ARHGAP6: variants seen among roughly 807,000 people sequenced by gnomAD.
ARHGAP6 encodes the protein Rho GTPase activating protein 6.
A neutral mutation model predicts 55.7 loss-of-function variants in ARHGAP6; 16 were observed. That is an observed-to-expected ratio of 0.29 (90% CI 0.19 to 0.44). The LOEUF (loss-of-function observed/expected upper bound fraction) is 0.44, where lower values mean the gene tolerates loss of function less well. ARHGAP6 is among the 20% of genes least tolerant of loss of function. ARHGAP6 has a pLI of 1.00. For missense variants in ARHGAP6, 698 were observed against 808.9 expected, an observed-to-expected ratio of 0.86 and a Z score of 1.66; for synonymous variants, 382 against 360.9, an observed-to-expected ratio of 1.06 and a Z score of -0.66.
At chrX:11,297,749 A>C (rs961570916) in intron 1 of ARHGAP6, among the ~76,000 whole-genome samples, 3 of 112,330 alleles carry the variant, frequency 2.7e-5, no homozygotes, top group African/African-American at 9.7e-5. Context: ...TGATCAGTCA[A>C]TCTGTGTTTC....
At position 11,156,636 on chromosome X, in the gene ARHGAP6, C is replaced by G. The variant is rs1195480955; in HGVS notation, c.1810-10G>C. On this transcript the variant is annotated splice_polypyrimidine_tract_variant and intron_variant, in intron 9 of 12. Transcript: ENST00000337414. ...GGAGATCTGGGGGAACCTGAAGGAG[C>G]CAAATGTTGAGGCATAAATAAAACC... 1.7e-6 allele frequency: 2 copies of G among 1,182,400 alleles called. No individual in the cohort carries two copies. Among genetic ancestry groups the G allele is most frequent in the Non-Finnish European group, 2.3e-6 (2 of 872,487 alleles).
At chrX:11,493,455 C>T (rs2050591750) in intron 1 of ARHGAP6, among the ~76,000 whole-genome samples, 1 of 112,003 alleles carries the variant, frequency 8.9e-6, no homozygotes, top group Non-Finnish European at 1.9e-5. Context: ...AGCAATAGGA[C>T]AATGAGATGG....
At chrX:11,422,369 T>C (rs2049832722) in intron 1 of ARHGAP6, among the ~76,000 whole-genome samples, 1 of 111,173 alleles carries the variant, frequency 9.0e-6, no homozygotes, top group African/African-American at 3.3e-5. Flanking sequence ...AGGGCACAGA[T>C]GTGGCCAGGC....
chrX:11,273,570 A>G, intron 1 of ARHGAP6, among the ~76,000 whole-genome samples: 2 of 111,485 alleles, frequency 1.8e-5, no homozygotes, highest in Non-Finnish European at 3.8e-5. Flanking sequence ...ATTTTCACTC[A>G]TGGGCATTAC....
intron 1 of ARHGAP6, among the ~76,000 whole-genome samples, chrX:11,517,075 T>TA (rs1369658690): frequency 8.9e-6 from 1 of 112,018 alleles, no homozygotes; most frequent in Non-Finnish European, 1.9e-5. Flanking sequence ...CCCATAACAA[T>TA]ATGACAAGAG....
intron 1 of ARHGAP6, among the ~76,000 whole-genome samples, chrX:11,435,049 A>G (rs1255687214): frequency 2.7e-5 from 3 of 111,892 alleles, no homozygotes; most frequent in African/African-American, 9.8e-5. Flanking sequence ...GGTGCATTTG[A>G]CAATATCTGG....
rs781141198 is a variant in ARHGAP6 at position 11,169,523 on chromosome X, A to T, written c.1791T>A (p.Asn597Lys). Residue 597 changes from asparagine (N) to lysine (K), a missense_variant, in exon 9 of 13, where the codon AAT becomes AAA. By Grantham distance (94) the Asn-to-Lys change is moderately conservative (BLOSUM62 0). Transcript: ENST00000337414. ...CACCTACCATGAACAGGGCTTCATA[A>T]TTTTCAATCATCTTTTGCACAACAG... ...IIAVVQKMIENYEALFMVPPD... is the reference protein window; with the variant it reads ...IIAVVQKMIEKYEALFMVPPD... 1.7e-6 allele frequency: 2 copies of T among 1,197,829 alleles called. No individual in the cohort carries two copies. The highest frequency in any genetic ancestry group is 4.5e-5 in the Admixed American group (2 of 44,189).
chrX:11,477,306 T>A (rs2050413869), intron 1 of ARHGAP6, among the ~76,000 whole-genome samples: 1 of 111,734 alleles, frequency 8.9e-6, no homozygotes, highest in Non-Finnish European at 1.9e-5. Flanking sequence ...GAGATACCAC[T>A]AAACTTGCTA....
intron 1 of ARHGAP6, among the ~76,000 whole-genome samples, chrX:11,663,745 A>T (rs1416701125): frequency 8.9e-6 from 1 of 111,943 alleles, no homozygotes; most frequent in Non-Finnish European, 1.9e-5. Context: ...AAACTAGAGA[A>T]TTCTTGTCCC....
chrX:11,545,998 T>C (rs1407217050), intron 1 of ARHGAP6, among the ~76,000 whole-genome samples: 2 of 111,062 alleles, frequency 1.8e-5, no homozygotes, highest in East Asian at 5.6e-4. Context: ...TCTGTTTTTA[T>C]TCCTTTTTGA....
intron 2 of ARHGAP6, among the ~76,000 whole-genome samples, chrX:11,210,304 A>T (rs982676240): frequency 1.8e-5 from 2 of 112,738 alleles, no homozygotes; most frequent in Admixed American, 1.9e-4. Context: ...ACAGCCTGTT[A>T]TTCCTGCTGA....
chrX:11,167,498 C>A (rs992137948), intron 9 of ARHGAP6, among the ~76,000 whole-genome samples: 2 of 111,366 alleles, frequency 1.8e-5, no homozygotes, highest in Non-Finnish European at 3.8e-5. Context: ...TTGGGAAAAG[C>A]TGGAAAAGGT....
At chrX:11,279,104 G>C (rs1316472073) in intron 1 of ARHGAP6, among the ~76,000 whole-genome samples, 1 of 111,700 alleles carries the variant, frequency 9.0e-6, no homozygotes, top group Non-Finnish European at 1.9e-5. Context: ...TGCAGCCACA[G>C]TGTGTTTCTT....
intron 8 of ARHGAP6, among the ~76,000 whole-genome samples, chrX:11,176,232 CATATATATATATAT>C (rs746195419): frequency 1.3e-4 from 3 of 23,932 alleles, no homozygotes; most frequent in African/African-American, 1.5e-4. Flanking sequence ...AGAGGATTTG[CATATATATATATAT>C]ATATATATAT....
At position 11,296,836 on chromosome X, in the gene ARHGAP6, C is replaced by G. The variant is rs1180999480; in HGVS notation, c.589-42129G>C. On this transcript the variant is annotated intron_variant, in intron 1 of 12. Coordinates refer to ENST00000337414, the MANE Select transcript of ARHGAP6 (RefSeq NM_013427.3). ...CAACTTCAGCTATGAGGTAATTTTT[C>G]TCTTTACTAATTTTGACCATTGTTT... The G allele has an allele frequency of 2.5e-6, 3 of 1,206,977 alleles. No individual in the cohort carries two copies. In the East Asian group the frequency reaches 8.9e-5, roughly 36 times the overall value.
chrX:11,223,080 C>T (rs775796727), intron 2 of ARHGAP6: 1 of 147,519 alleles, frequency 6.8e-6, no homozygotes, highest in South Asian at 1.3e-4. Context: ...ACCATCATGT[C>T]CCATATTGAT....
chrX:11,176,435 C>T (rs948614280), intron 8 of ARHGAP6, among the ~76,000 whole-genome samples: 1 of 95,853 alleles, frequency 1.0e-5, no homozygotes, highest in Non-Finnish European at 2.1e-5. Context: ...TACACCTGTC[C>T]AAGAATATTT....
At chrX:11,650,508 T>G (rs1427841744) in intron 1 of ARHGAP6, among the ~76,000 whole-genome samples, 4 of 111,319 alleles carry the variant, frequency 3.6e-5, no homozygotes, top group African/African-American at 1.3e-4. Context: ...AAAGGCAAAC[T>G]AGACAATCAA....
chrX:11,365,693 A>C (rs1416614163), intron 1 of ARHGAP6, among the ~76,000 whole-genome samples: 1 of 112,503 alleles, frequency 8.9e-6, no homozygotes, highest in Non-Finnish European at 1.9e-5. Context: ...ATTGTTTTAT[A>C]AAATGAATGC....
Sources: allele counts gnomAD v4.1 joint callset (sites outside exome capture counted in the v4.1 genomes callset), GRCh38; gene constraint gnomAD v4.1.1; transcripts MANE v1.5; gene names NCBI Gene and HGNC (gene_info 2026-07-23, HGNC 2026-07-21).